NFIA: variants seen among roughly 807,000 people sequenced by gnomAD.
NFIA encodes the protein nuclear factor I A.
NFIA carries 8 observed loss-of-function variants against 62.8 expected under a neutral mutation model. That is an observed-to-expected ratio of 0.13 (90% CI 0.07 to 0.23). NFIA has a LOEUF of 0.23. NFIA is among the 10% of genes least tolerant of loss of function. The pLI is 1.00. For missense variants in NFIA, 410 were observed against 642.1 expected (o/e 0.64, Z 3.91); for synonymous variants, 235 against 238.1 (o/e 0.99, Z 0.12).
intron 2 of NFIA, among the ~76,000 whole-genome samples, chr1:61,094,632 T>C (rs1646380146): frequency 1.3e-5 from 2 of 152,184 alleles, no homozygotes. Context: ...GTTCAGAGTA[T>C]TGTCAAATTT....
chr1:61,348,691 T>C (rs1247751985), intron 4 of NFIA, among the ~76,000 whole-genome samples: 2 of 152,198 alleles, frequency 1.3e-5, no homozygotes, highest in Non-Finnish European at 2.9e-5. Context: ...TTTTCTAGGA[T>C]AGATAAAGTA....
intron 3 of NFIA, among the ~76,000 whole-genome samples, chr1:61,287,641 GC>G (rs1423562439): frequency 2.0e-5 from 3 of 151,808 alleles, no homozygotes; most frequent in Non-Finnish European, 4.4e-5. Context: ...CCGTGACAGA[GC>G]AAGACTGTCC....
chr1:61,131,675 T>TTG (rs1251700726), intron 2 of NFIA, among the ~76,000 whole-genome samples: 1 of 152,168 alleles, frequency 6.6e-6, no homozygotes, highest in Non-Finnish European at 1.5e-5. Context: ...AGATTCCCAC[T>TTG]TGGACTCTCA....
At chr1:61,295,471 G>A (rs567274423) in intron 3 of NFIA, among the ~76,000 whole-genome samples, 20 of 152,256 alleles carry the variant, frequency 1.3e-4, no homozygotes, top group African/African-American at 4.3e-4. Flanking sequence ...GGTAAAGTTC[G>A]AAGTGGTACA....
intron 6 of NFIA, 36 bp downstream of exon 6, chr1:61,359,310 C>T: frequency 6.2e-7 from 1 of 1,611,532 alleles, no homozygotes; most frequent in South Asian, 1.1e-5. Context: ...GTGGCTAACA[C>T]TGTGAAACTG....
At chr1:61,107,589 C>T (rs1051404785) in intron 2 of NFIA, among the ~76,000 whole-genome samples, 1 of 151,222 alleles carries the variant, frequency 6.6e-6, no homozygotes, top group African/African-American at 2.4e-5. Flanking sequence ...GGCCAGTGTA[C>T]GTTTGCCAAT....
intron 2 of NFIA, among the ~76,000 whole-genome samples, chr1:61,274,006 G>T (rs377043419): frequency 1.1e-4 from 16 of 152,264 alleles, no homozygotes; most frequent in Middle Eastern, 6.8e-3. Context: ...TTGAGGAGCC[G>T]AATATGTGTA....
intron 2 of NFIA, among the ~76,000 whole-genome samples, chr1:61,229,728 T>C (rs915186577): frequency 2.6e-5 from 4 of 152,208 alleles, no homozygotes; most frequent in African/African-American, 9.6e-5. Flanking sequence ...TGTTGACTTT[T>C]CTACAAAAAT....
intron 2 of NFIA, among the ~76,000 whole-genome samples, chr1:61,151,206 GTTGT>G (rs1553155713): frequency 1.8e-4 from 28 of 151,944 alleles, no homozygotes; most frequent in East Asian, 3.9e-4. Context: ...TTTTGTTGTT[GTTGT>G]TTGTTTGTTT....
chr1:61,279,383 T>G (rs529031349), intron 3 of NFIA, among the ~76,000 whole-genome samples: 1 of 151,116 alleles, frequency 6.6e-6, no homozygotes, highest in Non-Finnish European at 1.5e-5. Flanking sequence ...CAAAGTTGTC[T>G]TTTTAAAGCA....
intron 7 of NFIA, among the ~76,000 whole-genome samples, chr1:61,399,615 A>C (rs2886084): frequency 6.6e-6 from 1 of 152,028 alleles, no homozygotes; most frequent in African/African-American, 2.4e-5. Context: ...TTCTTGGAGG[A>C]TGAGCTTGAG....
chr1:61,310,884 C>G (rs887538467), intron 3 of NFIA, among the ~76,000 whole-genome samples: 4 of 151,974 alleles, frequency 2.6e-5, no homozygotes, highest in African/African-American at 9.7e-5. Context: ...ACATGTGACT[C>G]CACCTGGGTG....
chr1:61,123,599 G>A (rs1251003146), intron 2 of NFIA, among the ~76,000 whole-genome samples: 1 of 152,098 alleles, frequency 6.6e-6, no homozygotes, highest in Non-Finnish European at 1.5e-5. Flanking sequence ...AATCTGGAGC[G>A]ATGGAAAGGC....
chr1:61,204,803 A>T (rs1652786546), intron 2 of NFIA, among the ~76,000 whole-genome samples: 1 of 152,160 alleles, frequency 6.6e-6, no homozygotes, highest in South Asian at 2.1e-4. Context: ...GTAGTCTATG[A>T]TTAGTTTATT....
intron 2 of NFIA, among the ~76,000 whole-genome samples, chr1:61,109,467 A>G (rs769484257): frequency 1.3e-5 from 2 of 149,888 alleles, no homozygotes; most frequent in African/African-American, 2.4e-5. Context: ...CAGAGTAATA[A>G]TATTTACTGA....
chr1:61,098,452 A>G (rs1291282335), intron 2 of NFIA, among the ~76,000 whole-genome samples: 1 of 152,212 alleles, frequency 6.6e-6, no homozygotes, highest in Non-Finnish European at 1.5e-5. Context: ...TTTCTGATGG[A>G]TTCATTTAGT....
intron 3 of NFIA, among the ~76,000 whole-genome samples, chr1:61,290,109 G>A (rs1439782710): frequency 2.0e-5 from 3 of 147,398 alleles, no homozygotes; most frequent in African/African-American, 5.0e-5. Context: ...ACAGTCTCAA[G>A]TATTATGAGT....
chr1:61,155,305 G>C (rs1384711208), intron 2 of NFIA, among the ~76,000 whole-genome samples: 2 of 152,190 alleles, frequency 1.3e-5, no homozygotes, highest in Non-Finnish European at 2.9e-5. Context: ...CCAGGAAATT[G>C]TATGTTCTAG....
Position 61,318,400 on chromosome 1 carries a change from C to T in NFIA, c.626-14112C>T, listed in dbSNP as rs150485357. 4.4e-3 allele frequency among the ~76,000 whole-genome samples: 672 copies of T among 152,226 alleles called. 8 individuals are homozygous for T. Among genetic ancestry groups the T allele is most frequent in the African/African-American group, 0.015 (642 of 41,544 alleles). ...GTTCTTAGCAAAACACTCACTTCAA[C>T]GGAAATTAGGTCAGCCTTCTGGAAC... On this transcript the variant is annotated intron_variant, in intron 3 of 10. Coordinates refer to ENST00000403491, the MANE Select transcript of NFIA (RefSeq NM_001134673.4).
Sources: gnomAD v4.1 joint callset for allele counts (sites outside exome capture counted in the v4.1 genomes callset) on GRCh38, gnomAD v4.1.1 for gene constraint, MANE v1.5 for transcripts, NCBI Gene and HGNC (gene_info 2026-07-23, HGNC 2026-07-21) for gene names.